Variants in TUBAL3 observed in about 807,000 individuals in gnomAD.
TUBAL3 encodes the protein tubulin alpha like 3, also known as tubulin alpha chain-like 3.
In TUBAL3, 16 loss-of-function variants were observed where a neutral mutation model predicts 15.5. The ratio of observed to expected loss-of-function variants is 1.04; its 90% confidence interval spans 0.70 to 1.57. TUBAL3 has a LOEUF of 1.57. Among genes scored for constraint, TUBAL3 ranks in the 40% most tolerant of loss-of-function variants. The probability of loss-of-function intolerance (pLI) is 0.00; values close to 1 mark genes in which losing one functional copy is unlikely to be tolerated. For missense variants in TUBAL3, 609 were observed against 576.2 expected, an observed-to-expected ratio of 1.06 and a Z score of -0.58; for synonymous variants, 238 against 224.3, an observed-to-expected ratio of 1.06 and a Z score of -0.55.
Position 5,394,055 on chromosome 10 carries a change from G to C in TUBAL3, c.803C>G (p.Pro268Arg). 1.9e-6 allele frequency: 3 copies of C among 1,614,186 alleles called. No individual in the cohort carries two copies. Among genetic ancestry groups the C allele is most frequent in the Non-Finnish European group, 2.5e-6 (3 of 1,180,034 alleles). Residue 268 changes from proline to arginine, a missense_variant, in exon 4 of 4, where the codon CCT becomes CGT. Coordinates refer to ENST00000380419, the MANE Select transcript of TUBAL3 (RefSeq NM_024803.3). The surrounding 1 kb of genome is among the most constrained non-coding windows in gnomAD (Gnocchi z 4.3). ...DLIEFQTNLV[P>R]YPRIHFPMTA... The stretch of plus-strand genomic sequence containing the variant: ...CATGGGGAAATGTATTCTCGGATAA[G>C]GTACCAGGTTGGTCTGGAATTCAAT...
chr10:5,404,805 G>T lies in TUBAL3; in HGVS notation c.-13C>A, dbSNP rs782761120. 5 of 1,613,262 alleles carry T rather than the reference G, an allele frequency of 3.1e-6. No homozygotes were observed. The highest frequency in any genetic ancestry group is 4.2e-6 in the Non-Finnish European group (5 of 1,179,500). On this transcript the variant is annotated 5_prime_UTR_variant, in exon 1 of 4. Coordinates refer to ENST00000380419, the MANE Select transcript of TUBAL3 (RefSeq NM_024803.3). ...AGTCACTTACCATGCTGATGAGAACGTGCCCTTCCTGCCCTGTAGTAATGA... is the reference window on the plus strand; with the variant it reads ...AGTCACTTACCATGCTGATGAGAACTTGCCCTTCCTGCCCTGTAGTAATGA...
chr10:5,402,510 A>C (rs568218043), intron 1 of TUBAL3, among the ~76,000 whole-genome samples: 1 of 152,308 alleles, frequency 6.6e-6, no homozygotes, highest in African/African-American at 2.4e-5. Context: ...TCATGGCTAC[A>C]CTGCCCTAAA....
chr10:5,401,139 G>A lies in TUBAL3; in HGVS notation c.4-52C>T, dbSNP rs192877096. On this transcript the variant is annotated intron_variant, in intron 1 of 3. Coordinates refer to ENST00000380419, the MANE Select transcript of TUBAL3 (RefSeq NM_024803.3). ...CTGAGCAGGTGTTTAGAAAACAGGA[G>A]ATCTGTTACTCAGCCCTTCTGGTTA... The A allele has an allele frequency of 7.6e-5, 122 of 1,599,912 alleles. No individual in the cohort carries two copies. The African/African-American group carries it at 1.4e-3, about 19-fold the overall frequency.
chr10:5,395,946 C>G lies in TUBAL3; in HGVS notation c.248-471G>C, dbSNP rs1032369108. On this transcript the variant is annotated intron_variant, in intron 2 of 3. Transcript: ENST00000380419. The surrounding 1 kb of genome is among the most constrained non-coding windows in gnomAD (Gnocchi z 4.6). ...CCAATCTCTACCTCTGGCATACAAG[C>G]CTTTTCCCCTGTATGTGTGTCTGTG... 4.6e-5 allele frequency among the ~76,000 whole-genome samples: 7 copies of G among 152,116 alleles called. No individual in the cohort carries two copies. Among genetic ancestry groups the G allele is most frequent in the Non-Finnish European group, 8.8e-5 (6 of 68,028 alleles).
chr10:5,401,228 C>G (rs1831847234), intron 1 of TUBAL3, 141 bp from the exon 2 acceptor site: 1 of 1,054,194 alleles, frequency 9.5e-7, no homozygotes, highest in African/African-American at 1.6e-5. Flanking sequence ...TAATCAAAAG[C>G]GTTTCATGGA....
chr10:5,394,068 T>C lies in TUBAL3; in HGVS notation c.790A>G (p.Thr264Ala). Reference sequence around the variant, plus strand: ...ATTCTCGGATAAGGTACCAGGTTGGTCTGGAATTCAATTAGGTCTACATTC... The same window carrying C: ...ATTCTCGGATAAGGTACCAGGTTGGCCTGGAATTCAATTAGGTCTACATTC... ...PLNVDLIEFQ[T>A]NLVPYPRIHF... Residue 264 changes from threonine to alanine, a missense_variant, in exon 4 of 4, where the codon ACC (threonine) becomes GCC (alanine). Transcript: ENST00000380419. The surrounding 1 kb of genome is among the most constrained non-coding windows in gnomAD (Gnocchi z 4.3). 6.2e-7 allele frequency: 1 copy of C among 1,614,160 alleles called. No homozygotes were observed. Among genetic ancestry groups the C allele is most frequent in the Non-Finnish European group, 8.5e-7 (1 of 1,180,032 alleles).
intron 1 of TUBAL3, among the ~76,000 whole-genome samples, chr10:5,403,848 C>T (rs138409486): frequency 1.3e-5 from 2 of 152,160 alleles, no homozygotes; most frequent in South Asian, 2.1e-4. Context: ...CATTATTAAA[C>T]GCTGCTATAA....
chr10:5,393,671 G>A lies in TUBAL3; in HGVS notation c.1187C>T (p.Ala396Val). The change falls in exon 4 of 4, where the codon GCC becomes GTC. Residue 396 changes from alanine (A) to valine (V), a missense_variant. Ala to Val is a moderately conservative substitution (Grantham distance 64, BLOSUM62 0). Coordinates refer to ENST00000380419, the MANE Select transcript of TUBAL3 (RefSeq NM_024803.3). ...GAGGTCAAACTTGTGGTCCAGGCGG[G>A]CCCAGGCCTCCACAATCGCCGTGGT... is the stretch of plus-strand genomic sequence containing the variant. The part of the protein sequence containing the change: ...SNTTAIVEAW[A>V]RLDHKFDLMY... The A allele has an allele frequency of 1.2e-6, 2 of 1,614,140 alleles. No individual in the cohort carries two copies. Among genetic ancestry groups the A allele is most frequent in the Non-Finnish European group, 1.7e-6 (2 of 1,180,020 alleles).
At chr10:5,400,165 G>T (rs1190977353) in intron 2 of TUBAL3, among the ~76,000 whole-genome samples, 1 of 152,024 alleles carries the variant, frequency 6.6e-6, no homozygotes, top group Admixed American at 6.6e-5. Context: ...TTTTCCTTTA[G>T]GATTCTTTTC....
At chr10:5,404,067 C>T (rs1831896802) in intron 1 of TUBAL3, among the ~76,000 whole-genome samples, 1 of 152,186 alleles carries the variant, frequency 6.6e-6, no homozygotes, top group Non-Finnish European at 1.5e-5. Flanking sequence ...ATGCTATTAT[C>T]ACAAGTCTCT....
At position 5,396,585 on chromosome 10, in the gene TUBAL3, A is replaced by C. The variant is rs1831768471; in HGVS notation, c.248-1110T>G. ...TTAAATCTGCTTTAAAAGAGGATTT[A>C]ACAGGGAAGGCACGGCAAACTCAAA... On this transcript the variant is annotated intron_variant, in intron 2 of 3. Coordinates refer to ENST00000380419, the MANE Select transcript of TUBAL3 (RefSeq NM_024803.3). This position sits in a 1 kb window ranked among gnomAD's most constrained non-coding sequence, Gnocchi z 5.1. Among the ~76,000 whole-genome samples, 1 of 152,254 alleles carries C rather than the reference A, an allele frequency of 6.6e-6. No homozygotes were observed. Among genetic ancestry groups the C allele is most frequent in the Non-Finnish European group, 1.5e-5 (1 of 68,038 alleles).
In TUBAL3 at chr10:5,400,890, C is replaced by T; in HGVS notation, c.201G>A (p.Lys67=). 1 of 1,614,232 alleles carries T rather than the reference C, an allele frequency of 6.2e-7. No homozygotes were observed. Among genetic ancestry groups the T allele is most frequent in the Non-Finnish European group, 8.5e-7 (1 of 1,180,048 alleles). The change falls in exon 2 of 4, where the codon AAG becomes AAA. Residue 67 remains lysine, a synonymous_variant. Transcript: ENST00000380419. ...CCACGAAGAGTGCTCTAGGCACATG[C>T]TTCCCAGCTCTTGTCTCACAGAAGA... ...DTFFCETRAG[K]HVPRALFVDL...
At chr10:5,401,430 A>ATGTGTG (rs5782825) in intron 1 of TUBAL3, among the ~76,000 whole-genome samples, 18 of 149,946 alleles carry the variant, frequency 1.2e-4, no homozygotes, top group African/African-American at 3.9e-4. Flanking sequence ...TATAGGTGAG[A>ATGTGTG]TGTGTGTGTG....
In TUBAL3 at chr10:5,394,126, G is replaced by GGAA; in HGVS notation, c.729_731dup (p.Ser244dup). 6.2e-7 allele frequency: 1 copy of GGAA among 1,614,228 alleles called. No individual in the cohort carries two copies. Among genetic ancestry groups the GGAA allele is most frequent in the South Asian group, 1.1e-5 (1 of 91,080 alleles). On this transcript the variant is annotated inframe_insertion, in exon 4 of 4. Coordinates refer to ENST00000380419, the MANE Select transcript of TUBAL3 (RefSeq NM_024803.3). The surrounding 1 kb of genome is among the most constrained non-coding windows in gnomAD (Gnocchi z 4.3). Reference sequence around the variant, plus strand: ...CTTCAAACCGGAGGGAGGCAGTGATGGAAGATACCACCTGAACCACCAATC... The same window carrying GGAA: ...CTTCAAACCGGAGGGAGGCAGTGATGGAAGAAGATACCACCTGAACCACCAATC...
At chr10:5,398,909 A>G (rs1404459893) in intron 2 of TUBAL3, among the ~76,000 whole-genome samples, 1 of 152,194 alleles carries the variant, frequency 6.6e-6, no homozygotes. Context: ...ATCATATACA[A>G]TACAATTAAC....
Position 5,395,422 on chromosome 10 carries a change from T to G in TUBAL3, c.301A>C (p.Ser101Arg). 1.2e-6 allele frequency: 2 copies of G among 1,605,510 alleles called. No individual in the cohort carries two copies. The highest frequency in any genetic ancestry group is 8.5e-7 in the Non-Finnish European group (1 of 1,174,906). The change falls in exon 3 of 4, where the codon AGC (serine) becomes CGC (arginine). Residue 101 changes from serine to arginine, a missense_variant. Ser to Arg is a moderately radical substitution (Grantham distance 110). Transcript: ENST00000380419. The surrounding 1 kb of genome is among the most constrained non-coding windows in gnomAD (Gnocchi z 4.6). Reference sequence around the variant, plus strand: ...TTGTTAGCAGCATCCTCCTTTCCGCTAAGGAGCTGCTCGGGGTGGAAGAGT... The same window carrying G: ...TTGTTAGCAGCATCCTCCTTTCCGCGAAGGAGCTGCTCGGGGTGGAAGAGT... ...RSLFHPEQLL[S>R]GKEDAANNYA...
intron 2 of TUBAL3, among the ~76,000 whole-genome samples, chr10:5,398,178 T>C (rs1554814318): frequency 6.6e-6 from 1 of 152,048 alleles, no homozygotes; most frequent in African/African-American, 2.4e-5. Flanking sequence ...CCCAGTAGTT[T>C]GGGAGGCCGA....
chr10:5,400,736 T>A, intron 2 of TUBAL3, 108 bp downstream of exon 2: 1 of 1,398,370 alleles, frequency 7.2e-7, no homozygotes, highest in Non-Finnish European at 9.9e-7. Flanking sequence ...TTGGGAAAGG[T>A]CCATGTGATT....
rs782349788 is a variant in TUBAL3 at position 5,394,388 on chromosome 10, G to A, written c.470C>T (p.Thr157Met). 1.4e-5 allele frequency: 22 copies of A among 1,613,962 alleles called. No individual in the cohort carries two copies. The highest frequency in any genetic ancestry group is 2.7e-5 in the African/African-American group (2 of 74,890). ...TGTGAGCCTCTCCATTAAGAGAGACGTAAACCCTGAACCAGTGCCTCCTCC... is the reference window on the plus strand; with the variant it reads ...TGTGAGCCTCTCCATTAAGAGAGACATAAACCCTGAACCAGTGCCTCCTCC... Reference protein sequence around the residue: ...SFGGGTGSGFTSLLMERLTGE... With the variant: ...SFGGGTGSGFMSLLMERLTGE... The change falls in exon 4 of 4, where the codon ACG (threonine) becomes ATG (methionine). Residue 157 changes from threonine to methionine, a missense_variant. By Grantham distance (81) the Thr-to-Met change is moderately conservative. Coordinates refer to ENST00000380419, the MANE Select transcript of TUBAL3 (RefSeq NM_024803.3). This position sits in a 1 kb window ranked among gnomAD's most constrained non-coding sequence, Gnocchi z 4.3.
Sources: allele counts gnomAD v4.1 joint callset (sites outside exome capture counted in the v4.1 genomes callset), GRCh38; gene constraint gnomAD v4.1.1; non-coding constraint Gnocchi (gnomAD v3.1); transcripts MANE v1.5; gene names NCBI Gene and HGNC (gene_info 2026-07-23, HGNC 2026-07-21).